Variants in C8orf34 observed in about 807,000 individuals in gnomAD.
C8orf34 encodes chromosome 8 open reading frame 34.
C8orf34 carries 65 observed loss-of-function variants against 68.3 expected under a neutral mutation model. The ratio of observed to expected loss-of-function variants is 0.95; its 90% CI spans 0.78 to 1.17. C8orf34 has a LOEUF of 1.17. Among genes scored for constraint, C8orf34 ranks in the 50% most tolerant of loss-of-function variants. The probability of loss-of-function intolerance (pLI) is 0.00; values close to 1 mark genes in which losing one functional copy is unlikely to be tolerated. For synonymous variants in C8orf34, 244 were observed against 241.2 expected (o/e 1.01, Z -0.11); for missense variants, 664 against 655.4 (o/e 1.01, Z -0.14).
chr8:68,660,185 A>G (rs189209047), intron 8 of C8orf34, among the ~76,000 whole-genome samples: 184 of 152,254 alleles, frequency 1.2e-3, no homozygotes, highest in Non-Finnish European at 2.3e-3. Flanking sequence ...TTTTTCCCTC[A>G]AAGGAATCCC....
At chr8:68,762,184 A>G (rs139858095) in intron 10 of C8orf34, among the ~76,000 whole-genome samples, 1 of 152,292 alleles carries the variant, frequency 6.6e-6, no homozygotes, top group Non-Finnish European at 1.5e-5. Context: ...GATTAGCTCG[A>G]TTTGTGTCAT....
At chr8:68,436,423 A>G (rs1320728382) in intron 1 of C8orf34, among the ~76,000 whole-genome samples, 1 of 152,190 alleles carries the variant, frequency 6.6e-6, no homozygotes, top group East Asian at 1.9e-4. Flanking sequence ...TGCACAGAGT[A>G]TCGTATTAAA....
At chr8:68,629,125 A>C (rs1409015234) in intron 7 of C8orf34, among the ~76,000 whole-genome samples, 1 of 152,198 alleles carries the variant, frequency 6.6e-6, no homozygotes, top group African/African-American at 2.4e-5. Flanking sequence ...AGTTGCAAGG[A>C]GTGTCACTAC....
intron 10 of C8orf34, among the ~76,000 whole-genome samples, chr8:68,755,351 G>A (rs1822824882): frequency 1.3e-5 from 2 of 152,158 alleles, no homozygotes; most frequent in African/African-American, 4.8e-5. Context: ...TGGCATAATG[G>A]CAGTTTCAGT....
chr8:68,549,238 A>C (rs1815985236), intron 7 of C8orf34, among the ~76,000 whole-genome samples: 1 of 151,782 alleles, frequency 6.6e-6, no homozygotes, highest in South Asian at 2.1e-4. Flanking sequence ...AAGTTTCTCC[A>C]TTTAAGCCAC....
At chr8:68,616,117 C>T (rs1460797010) in intron 7 of C8orf34, among the ~76,000 whole-genome samples, 1 of 151,376 alleles carries the variant, frequency 6.6e-6, no homozygotes, top group Non-Finnish European at 1.5e-5. Flanking sequence ...GTTTGTATTT[C>T]TGTGGGATCG....
At chr8:68,405,317 TAA>T (rs1189329459) in intron 1 of C8orf34, among the ~76,000 whole-genome samples, 5 of 152,174 alleles carry the variant, frequency 3.3e-5, no homozygotes, top group African/African-American at 1.2e-4. Context: ...CCTCAAATGC[TAA>T]GAGTTTGGTT....
intron 5 of C8orf34, among the ~76,000 whole-genome samples, chr8:68,499,224 C>G (rs1323695920): frequency 6.6e-6 from 1 of 152,096 alleles, no homozygotes; most frequent in Non-Finnish European, 1.5e-5. Flanking sequence ...TAATGGCCTC[C>G]AGCTGCATCC....
chr8:68,694,738 G>T (rs1820778392), intron 8 of C8orf34, among the ~76,000 whole-genome samples: 1 of 151,838 alleles, frequency 6.6e-6, no homozygotes, highest in East Asian at 1.9e-4. Flanking sequence ...TTATTCATTT[G>T]TTTAACATTC....
intron 1 of C8orf34, among the ~76,000 whole-genome samples, chr8:68,426,518 C>CAAAAAAA (rs753578060): frequency 3.9e-3 from 114 of 29,230 alleles, no homozygotes; most frequent in Non-Finnish European, 4.9e-3. Flanking sequence ...GACCTTGTCT[C>CAAAAAAA]AAAAAAAAAA....
chr8:68,366,635 C>T (rs1026502589), intron 1 of C8orf34, among the ~76,000 whole-genome samples: 4 of 150,990 alleles, frequency 2.6e-5, no homozygotes, highest in South Asian at 2.1e-4. Flanking sequence ...CTGAGAAAAA[C>T]AAGAAATGGG....
At chr8:68,345,346 A>G (rs1472508908) in intron 1 of C8orf34, among the ~76,000 whole-genome samples, 1 of 151,966 alleles carries the variant, frequency 6.6e-6, no homozygotes, top group African/African-American at 2.4e-5. Context: ...TATTTATTAT[A>G]TATAAGTACT....
intron 7 of C8orf34, among the ~76,000 whole-genome samples, chr8:68,584,006 G>A (rs1459305998): frequency 6.6e-6 from 1 of 152,046 alleles, no homozygotes; most frequent in Non-Finnish European, 1.5e-5. Context: ...TCTGCCATGT[G>A]AAAAATTACA....
chr8:68,737,314 G>A (rs1421850376), intron 10 of C8orf34, among the ~76,000 whole-genome samples: 4 of 152,016 alleles, frequency 2.6e-5, no homozygotes, highest in Non-Finnish European at 5.9e-5. Context: ...TTTATCACTT[G>A]TTCTTTTATG....
intron 8 of C8orf34, among the ~76,000 whole-genome samples, chr8:68,674,579 CAG>C (rs1820120619): frequency 6.6e-6 from 1 of 151,416 alleles, no homozygotes; most frequent in Non-Finnish European, 1.5e-5. Flanking sequence ...AGCTTGAAGG[CAG>C]GCTATTTGAA....
intron 5 of C8orf34, among the ~76,000 whole-genome samples, chr8:68,489,728 A>G (rs1366623694): frequency 1.3e-5 from 2 of 152,108 alleles, no homozygotes; most frequent in Non-Finnish European, 2.9e-5. Context: ...TCTACAAAAA[A>G]TGGTATCATA....
At chr8:68,460,552 C>G (rs1010370067) in intron 3 of C8orf34, among the ~76,000 whole-genome samples, 2 of 152,156 alleles carry the variant, frequency 1.3e-5, no homozygotes, top group East Asian at 3.9e-4. Context: ...CCAGTAGCGG[C>G]AGACTGACAC....
chr8:68,777,088 A>T (rs1195789246), intron 11 of C8orf34, among the ~76,000 whole-genome samples: 1 of 152,242 alleles, frequency 6.6e-6, no homozygotes, highest in Non-Finnish European at 1.5e-5. Flanking sequence ...TGGCCACTAA[A>T]TTAGCTGTCT....
At chr8:68,602,841 G>T (rs1250066270) in intron 7 of C8orf34, among the ~76,000 whole-genome samples, 4 of 152,038 alleles carry the variant, frequency 2.6e-5, no homozygotes, top group African/African-American at 9.7e-5. Flanking sequence ...CGTTCTGTTG[G>T]CTTTTTGCTG....
Sources: gnomAD v4.1 joint callset for allele counts (sites outside exome capture counted in the v4.1 genomes callset) on GRCh38, gnomAD v4.1.1 for gene constraint, MANE v1.5 for transcripts, NCBI Gene and HGNC (gene_info 2026-07-23, HGNC 2026-07-21) for gene names.